Variants in ARHGAP15 observed in about 807,000 individuals in gnomAD.
The protein encoded by ARHGAP15 is rho GTPase-activating protein 15.
A neutral mutation model predicts 63.7 loss-of-function variants in ARHGAP15; 51 were observed. That is an observed-to-expected ratio of 0.80 (90% CI 0.64 to 1.01). The LOEUF (loss-of-function observed/expected upper bound fraction) is 1.01, where lower values mean the gene tolerates loss of function less well. Ranked by LOEUF, ARHGAP15 falls within the 50% of genes least tolerant of loss-of-function variation. The pLI is 0.00. For synonymous variants in ARHGAP15, 191 were observed against 193.8 expected, an observed-to-expected ratio of 0.99 and a Z score of 0.12; for missense variants, 560 against 564.6, an observed-to-expected ratio of 0.99 and a Z score of 0.08.
At chr2:143,708,416 GAA>G (rs1372695791) in intron 13 of ARHGAP15, among the ~76,000 whole-genome samples, 5 of 152,074 alleles carry the variant, frequency 3.3e-5, no homozygotes, top group Non-Finnish European at 7.4e-5. Flanking sequence ...ATGATTTCCA[GAA>G]AAGTCTTTAT....
chr2:143,166,085 C>T (rs1303438180), intron 2 of ARHGAP15, among the ~76,000 whole-genome samples: 3 of 151,794 alleles, frequency 2.0e-5, no homozygotes, highest in Non-Finnish European at 2.9e-5. Flanking sequence ...TCTTTCTTGT[C>T]TTGAAAATGC....
intron 9 of ARHGAP15, among the ~76,000 whole-genome samples, chr2:143,500,182 C>G (rs1414553177): frequency 1.3e-5 from 2 of 151,048 alleles, no homozygotes; most frequent in Non-Finnish European, 3.0e-5. Flanking sequence ...TTTCAAATGT[C>G]TCTTAGTATT....
chr2:143,466,395 A>AT (rs138746624), intron 8 of ARHGAP15, among the ~76,000 whole-genome samples: 1,876 of 150,158 alleles, frequency 0.012, 32 homozygotes, highest in African/African-American at 0.043. Context: ...CTTGGGTTGA[A>AT]TTTTTTTTTT....
intron 6 of ARHGAP15, among the ~76,000 whole-genome samples, chr2:143,260,172 T>A (rs1039684346): frequency 3.3e-5 from 5 of 152,202 alleles, no homozygotes; most frequent in Non-Finnish European, 5.9e-5. Flanking sequence ...AATTTTCAAG[T>A]TAAATGACAA....
At chr2:143,696,233 A>T (rs1251758748) in intron 12 of ARHGAP15, among the ~76,000 whole-genome samples, 1 of 152,062 alleles carries the variant, frequency 6.6e-6, no homozygotes, top group African/African-American at 2.4e-5. Context: ...TTATATTTAA[A>T]CATCTATTAT....
At chr2:143,181,576 G>A (rs1691236306) in intron 2 of ARHGAP15, among the ~76,000 whole-genome samples, 1 of 152,196 alleles carries the variant, frequency 6.6e-6, no homozygotes, top group South Asian at 2.1e-4. Context: ...TTATGGAGAT[G>A]ACATCTGTCC....
chr2:143,211,108 T>A (rs1692541571), intron 3 of ARHGAP15, among the ~76,000 whole-genome samples: 1 of 152,146 alleles, frequency 6.6e-6, no homozygotes, highest in African/African-American at 2.4e-5. Flanking sequence ...GATTCTGTTC[T>A]TAATGGATTA....
At chr2:143,598,218 A>G (rs1697603186) in intron 11 of ARHGAP15, among the ~76,000 whole-genome samples, 1 of 152,200 alleles carries the variant, frequency 6.6e-6, no homozygotes, top group Non-Finnish European at 1.5e-5. Flanking sequence ...AAGAACATCT[A>G]AACTAATAGG....
Position 143,648,010 on chromosome 2 carries a change from T to C in ARHGAP15, c.1138+23743T>C, listed in dbSNP as rs572431351. ...GGCTGAGTATTAATCCTCGGAATAT[T>C]AGTCCACTCAGAGGATTGATACTGC... is the stretch of plus-strand genomic sequence containing the variant. On this transcript the variant is annotated intron_variant, in intron 12 of 13. Coordinates refer to ENST00000295095, the MANE Select transcript of ARHGAP15 (RefSeq NM_018460.4). Among the ~76,000 whole-genome samples the C allele has an allele frequency of 1.3e-4, 20 of 152,130 alleles. No homozygotes were observed. The South Asian group carries it at 4.2e-3, about 32-fold the overall frequency.
chr2:143,404,386 T>C (rs1432461465), intron 6 of ARHGAP15, among the ~76,000 whole-genome samples: 1 of 151,950 alleles, frequency 6.6e-6, no homozygotes, highest in East Asian at 1.9e-4. Context: ...CCCTAAGATA[T>C]GTATAGAATA....
intron 11 of ARHGAP15, among the ~76,000 whole-genome samples, chr2:143,582,449 A>G (rs1046334466): frequency 1.3e-5 from 2 of 152,010 alleles, no homozygotes; most frequent in African/African-American, 2.4e-5. Context: ...TATTCAACTC[A>G]CTCTGTGGGG....
chr2:143,688,281 T>TC (rs1333230495), intron 12 of ARHGAP15, among the ~76,000 whole-genome samples: 12 of 152,206 alleles, frequency 7.9e-5, no homozygotes, highest in Non-Finnish European at 1.6e-4. Context: ...ATTATGCCAC[T>TC]CTCTGCAGCT....
intron 6 of ARHGAP15, among the ~76,000 whole-genome samples, chr2:143,433,560 A>G (rs1689477893): frequency 6.6e-6 from 1 of 152,134 alleles, no homozygotes; most frequent in Non-Finnish European, 1.5e-5. Flanking sequence ...TGGTTGTGTT[A>G]GCAATATAAG....
intron 8 of ARHGAP15, among the ~76,000 whole-genome samples, chr2:143,451,581 G>T (rs1340943944): frequency 6.6e-6 from 1 of 151,744 alleles, no homozygotes; most frequent in South Asian, 2.1e-4. Context: ...AAAATCAAAA[G>T]TAGACATATT....
At chr2:143,225,297 A>G (rs1299787432) in intron 4 of ARHGAP15, among the ~76,000 whole-genome samples, 1 of 151,990 alleles carries the variant, frequency 6.6e-6, no homozygotes, top group Non-Finnish European at 1.5e-5. Flanking sequence ...AATTAAAAAA[A>G]TTTGGATTTA....
At chr2:143,633,116 T>G (rs986861043) in intron 12 of ARHGAP15, among the ~76,000 whole-genome samples, 1 of 152,190 alleles carries the variant, frequency 6.6e-6, no homozygotes, top group African/African-American at 2.4e-5. Context: ...TTACAAAGCC[T>G]GTTTTTTTAG....
intron 6 of ARHGAP15, among the ~76,000 whole-genome samples, chr2:143,434,744 T>C (rs993055071): frequency 2.6e-5 from 4 of 152,170 alleles, no homozygotes; most frequent in Non-Finnish European, 2.9e-5. Context: ...TTCAGATTGA[T>C]GGCCAAATAC....
intron 8 of ARHGAP15, among the ~76,000 whole-genome samples, chr2:143,468,663 A>AGAGAGAGAGT (rs764115175): frequency 7.3e-6 from 1 of 136,238 alleles, no homozygotes; most frequent in African/African-American, 2.7e-5. Flanking sequence ...AGAGAGAGAG[A>AGAGAGAGAGT]GTGTGTGTGT....
At chr2:143,461,320 C>T (rs1690931470) in intron 8 of ARHGAP15, among the ~76,000 whole-genome samples, 1 of 149,048 alleles carries the variant, frequency 6.7e-6, no homozygotes, top group African/African-American at 2.5e-5. Context: ...AACTCAAGCC[C>T]ACCTTTACAT....
Sources: gnomAD v4.1 joint callset for allele counts (sites outside exome capture counted in the v4.1 genomes callset) on GRCh38, gnomAD v4.1.1 for gene constraint, MANE v1.5 for transcripts, NCBI Gene and HGNC (gene_info 2026-07-23, HGNC 2026-07-21) for gene names.